CCDC40: variants seen among roughly 807,000 people sequenced by gnomAD.
CCDC40 encodes coiled-coil domain 40 molecular ruler complex subunit.
Under a neutral mutation model 124.5 loss-of-function variants are expected in CCDC40, and 104 were observed. The ratio of observed to expected loss-of-function variants is 0.84; its 90% CI spans 0.71 to 0.98. The LOEUF (loss-of-function observed/expected upper bound fraction) is 0.98. Among genes scored for constraint, CCDC40 ranks in the 50% least tolerant of loss-of-function variants. CCDC40 has a pLI of 0.00. For synonymous variants in CCDC40, 580 were observed against 602.9 expected, an observed-to-expected ratio of 0.96 and a Z score of 0.56; for missense variants, 1,463 against 1,503.9, an observed-to-expected ratio of 0.97 and a Z score of 0.45.
chr17:80,065,681 C>T, intron 10 of CCDC40, 75 bp downstream of exon 10: 2 of 1,581,954 alleles, frequency 1.3e-6, no homozygotes. Context: ...CACACCCCCT[C>T]TCTCTGGGTC....
Position 80,050,189 on chromosome 17 carries a change from C to T in CCDC40, c.1065C>T (p.Ala355=), listed in dbSNP as rs760592265. ...LEKSHDRHAM[A]SSERRQKEEE... ...AGAGTCACGACCGCCACGCAATGGCCTCGAGCGAGCGCAGGCAGAAGGAGG... is the reference window on the plus strand; with the variant it reads ...AGAGTCACGACCGCCACGCAATGGCTTCGAGCGAGCGCAGGCAGAAGGAGG... Residue 355 remains alanine, a synonymous_variant, in exon 7 of 20, where the codon GCC becomes GCT. Transcript: ENST00000397545. 3 of 1,612,336 alleles carry T rather than the reference C, an allele frequency of 1.9e-6. No individual in the cohort carries two copies. Among genetic ancestry groups the T allele is most frequent in the Non-Finnish European group, 2.5e-6 (3 of 1,179,756 alleles).
intron 10 of CCDC40, among the ~76,000 whole-genome samples, chr17:80,074,181 C>T (rs565924163): frequency 1.7e-4 from 26 of 152,254 alleles, no homozygotes; most frequent in Non-Finnish European, 2.8e-4. Flanking sequence ...AGCCTAATTG[C>T]GCGTCTGGAG....
rs554010058 is a variant in CCDC40, at chr17:80,085,816, T to G, written c.2236-187T>G. ...TTCCAAGTAGCTGGGACCACAGGTG[T>G]GCACCAGCACACCTGGCTAATTTTT... On this transcript the variant is annotated intron_variant, in intron 13 of 19. Coordinates refer to ENST00000397545, the MANE Select transcript of CCDC40 (RefSeq NM_017950.4). Among the ~76,000 whole-genome samples the G allele has an allele frequency of 3.9e-5, 6 of 152,050 alleles. No homozygotes were observed. The South Asian group carries it at 1.2e-3, about 32-fold the overall frequency.
rs202078323 is a variant in CCDC40 at position 80,058,820 on chromosome 17, C to T, written c.1318-38C>T. On this transcript the variant is annotated intron_variant, in intron 8 of 19. Transcript: ENST00000397545. This position sits in a 1 kb window ranked among gnomAD's most constrained non-coding sequence, Gnocchi z 4.2. ...TGGAGAACAGGCCCTCAGCCACGGG[C>T]ACCTCCTGACGGGGCTGCTTCTCAT... 508 of 1,613,806 alleles carry T rather than the reference C, an allele frequency of 3.1e-4. No individual in the cohort carries two copies. In the African/African-American group the frequency reaches 6.3e-3, roughly 20 times the overall value.
chr17:80,080,302 C>T (rs901923462), intron 10 of CCDC40, among the ~76,000 whole-genome samples: 1 of 152,160 alleles, frequency 6.6e-6, no homozygotes, highest in Non-Finnish European at 1.5e-5. Flanking sequence ...AATCCTCATG[C>T]TGAGGCGTAA....
Position 80,100,086 on chromosome 17 carries a change from C to G in CCDC40, c.*311C>G, listed in dbSNP as rs529978630. 151 of 416,394 alleles carry G rather than the reference C, an allele frequency of 3.6e-4. No homozygotes were observed. The highest frequency in any genetic ancestry group is 2.9e-3 in the African/African-American group (143 of 49,194). 25.8% of individuals were successfully genotyped at this position (416,394 alleles called of 1,614,324 possible). ...GGTAACACTTTGGTTTGCAGCACTC[C>G]CAAATCTGCACGTGCCTCTCACAAC... On this transcript the variant is annotated 3_prime_UTR_variant, in exon 20 of 20. Transcript: ENST00000397545.
intron 12 of CCDC40, among the ~76,000 whole-genome samples, chr17:80,083,584 A>G (rs1455461458): frequency 1.3e-5 from 2 of 152,224 alleles, no homozygotes; most frequent in Non-Finnish European, 2.9e-5. Context: ...GCCCTGGGGA[A>G]GAGGACCCTG....
intron 10 of CCDC40, among the ~76,000 whole-genome samples, chr17:80,069,823 AG>A (rs2038147298): frequency 6.6e-6 from 1 of 152,204 alleles, no homozygotes; most frequent in Admixed American, 6.6e-5. Flanking sequence ...AAAGAAAGAA[AG>A]AAAAGAAAAG....
chr17:80,048,555 T>C (rs1249814948), intron 4 of CCDC40, 28 bp from the exon 5 acceptor site: 2 of 1,597,224 alleles, frequency 1.3e-6, no homozygotes, highest in African/African-American at 2.7e-5. Flanking sequence ...CAGCAGCTCC[T>C]CAATGGTGTC....
rs887426895 is a variant in CCDC40, at chr17:80,086,766, G to A, written c.2449+550G>A. 3.1e-5 allele frequency: 5 copies of A among 163,016 alleles called. No individual in the cohort carries two copies. The highest frequency in any genetic ancestry group is 2.9e-4 in the Admixed American group (5 of 17,142). 10.1% of individuals were successfully genotyped at this position (163,016 alleles called of 1,614,324 possible). ...CCCGGGTCCTGCCCGGTCTTGGGTC[G>A]GGGATCCATGCTGGTCAGGCCTGCA... On this transcript the variant is annotated intron_variant, in intron 14 of 19. Coordinates refer to ENST00000397545, the MANE Select transcript of CCDC40 (RefSeq NM_017950.4). The surrounding 1 kb of genome is among the most constrained non-coding windows in gnomAD (Gnocchi z 5.5).
At chr17:80,094,761 G>A (rs923715339) in intron 17 of CCDC40, among the ~76,000 whole-genome samples, 6 of 152,010 alleles carry the variant, frequency 3.9e-5, no homozygotes, top group East Asian at 1.9e-4. Context: ...AGCCACTGAC[G>A]CCATCAAGAC....
chr17:80,040,316 CG>C, intron 3 of CCDC40, 46 bp downstream of exon 3: 1 of 1,549,022 alleles, frequency 6.5e-7, no homozygotes, highest in Non-Finnish European at 8.8e-7. Flanking sequence ...GCACGGCCCA[CG>C]GGGTTTGTCA....
In CCDC40 at chr17:80,081,995, C is replaced by T; in HGVS notation, c.1926C>T (p.Ser642=). ...AGAAGCTGCAGGAGCACATGACCTC[C>T]AACAAGACCACCAAATACTTCAACC... ...IREKLQEHMT[S]NKTTKYFNQL... is the part of the protein sequence containing the mutation. Residue 642 remains serine, a synonymous_variant, in exon 12 of 20, where the codon TCC becomes TCT. Transcript: ENST00000397545. 1 of 1,613,802 alleles carries T rather than the reference C, an allele frequency of 6.2e-7. No individual in the cohort carries two copies. Among genetic ancestry groups the T allele is most frequent in the Non-Finnish European group, 8.5e-7 (1 of 1,179,968 alleles).
In CCDC40 at chr17:80,058,591, A is replaced by G. The variant is rs1158295309; in HGVS notation, c.1257A>G (p.Thr419=). ...TGCGTGACGACATCCGCGTGATGAC[A>G]CAAGTGGTAAAGAAGGCCGAGACGG... ...QDMRDDIRVM[T]QVVKKAETER... is the part of the protein sequence containing the mutation. The change falls in exon 8 of 20, where the codon ACA becomes ACG. Residue 419 remains threonine, a synonymous_variant. Coordinates refer to ENST00000397545, the MANE Select transcript of CCDC40 (RefSeq NM_017950.4). This position sits in a 1 kb window ranked among gnomAD's most constrained non-coding sequence, Gnocchi z 4.2. 6.2e-7 allele frequency: 1 copy of G among 1,614,244 alleles called. No individual in the cohort carries two copies.
At chr17:80,052,168 A>G (rs2037618269) in intron 7 of CCDC40, among the ~76,000 whole-genome samples, 1 of 152,236 alleles carries the variant, frequency 6.6e-6, no homozygotes, top group Non-Finnish European at 1.5e-5. Context: ...CTAGAGGGAC[A>G]GAACTAACAG....
intron 10 of CCDC40, chr17:80,067,629 G>A (rs1014924681): frequency 1.3e-5 from 20 of 1,536,252 alleles, no homozygotes; most frequent in Middle Eastern, 1.7e-4. Flanking sequence ...GAGGGCGTTC[G>A]CGTCCGTCTG....
Position 80,081,421 on chromosome 17 carries a change from C to T in CCDC40, c.1563-125C>T, listed in dbSNP as rs1046030320. ...AAATAAATAAATAAATAAGAGTTGGCTTCCTAATTTATTTCTCTGTGCATT... is the reference window on the plus strand; with the variant it reads ...AAATAAATAAATAAATAAGAGTTGGTTTCCTAATTTATTTCTCTGTGCATT... On this transcript the variant is annotated intron_variant, in intron 10 of 19. Transcript: ENST00000397545. 1.6e-5 allele frequency: 9 copies of T among 550,280 alleles called. No homozygotes were observed. In the African/African-American group the frequency reaches 3.6e-4, roughly 22 times the overall value. 34.1% of individuals were successfully genotyped at this position (550,280 alleles called of 1,614,324 possible).
chr17:80,038,177 A>C lies in CCDC40; in HGVS notation c.84A>C (p.Glu28Asp). 6.2e-7 allele frequency: 1 copy of C among 1,603,598 alleles called. No individual in the cohort carries two copies. The highest frequency in any genetic ancestry group is 8.5e-7 in the Non-Finnish European group (1 of 1,170,934). ...AGGGAGAGAAGGAAGGGAATAATGA[A>C]AGCCACATGGTAAAATTCCCTATGG... ...ASEGEKEGNN[E>D]SHMVSPPEKD... is the part of the protein sequence containing the mutation. Residue 28 changes from glutamate to aspartate, a missense_variant, in exon 2 of 20, where the codon GAA (glutamate) becomes GAC (aspartate). Transcript: ENST00000397545.
At chr17:80,043,692 A>G (rs2037343753) in intron 3 of CCDC40, among the ~76,000 whole-genome samples, 2 of 127,888 alleles carry the variant, frequency 1.6e-5, no homozygotes, top group South Asian at 4.9e-4. Flanking sequence ...TAATTTTTGT[A>G]TTTTTTGTAC....
Sources: gnomAD v4.1 joint callset for allele counts (sites outside exome capture counted in the v4.1 genomes callset) on GRCh38, gnomAD v4.1.1 for gene constraint, Gnocchi (gnomAD v3.1) non-coding constraint, MANE v1.5 for transcripts, NCBI Gene and HGNC (gene_info 2026-07-23, HGNC 2026-07-21) for gene names.